Variants in TBC1D4 observed in about 807,000 individuals in gnomAD.
TBC1D4 encodes the protein TBC1 domain family member 4.
In TBC1D4, 121 loss-of-function variants were observed where a neutral mutation model predicts 142.5. The ratio of observed to expected loss-of-function variants is 0.85; its 90% confidence interval spans 0.73 to 0.99. The LOEUF is 0.99. Ranked by LOEUF, TBC1D4 falls within the 50% of genes least tolerant of loss-of-function variation. TBC1D4 has a pLI of 0.00. For missense variants in TBC1D4, 1,475 were observed against 1,606.6 expected, an observed-to-expected ratio of 0.92 and a Z score of 1.40; for synonymous variants, 630 against 628.2, an observed-to-expected ratio of 1.00 and a Z score of -0.04.
chr13:75,323,352 CA>C (rs911823239), intron 11 of TBC1D4, among the ~76,000 whole-genome samples: 3 of 152,014 alleles, frequency 2.0e-5, no homozygotes, highest in African/African-American at 7.2e-5. Context: ...AAGCTATACA[CA>C]AAAACAGGAA....
Position 75,309,956 on chromosome 13 carries a change from T to C in TBC1D4, c.2579A>G (p.Asn860Ser). ...QILLLRMEKE[N>S]QKLEASRDEL... ...AAATGGCTAACCTTCAAGTTTCTGG[T>C]TTTCTTTTTCCATTCGAAGTAACAA... is the stretch of plus-strand genomic sequence containing the variant. Residue 860 changes from asparagine to serine, a missense_variant, in exon 14 of 21, where the codon AAC (asparagine) becomes AGC (serine). By Grantham distance (46) the Asn-to-Ser change is conservative. Coordinates refer to ENST00000377636, the MANE Select transcript of TBC1D4 (RefSeq NM_014832.5). 1 of 1,614,104 alleles carries C rather than the reference T, an allele frequency of 6.2e-7. No individual in the cohort carries two copies. Among genetic ancestry groups the C allele is most frequent in the East Asian group, 2.2e-5 (1 of 44,880 alleles).
intron 12 of TBC1D4, among the ~76,000 whole-genome samples, chr13:75,318,261 G>A (rs2137970272): frequency 7.2e-6 from 1 of 138,852 alleles, no homozygotes; most frequent in South Asian, 2.3e-4. Context: ...TTGCAAAGGT[G>A]GTGTTATACT....
At chr13:75,365,332 G>GTTT (rs72296888) in intron 1 of TBC1D4, among the ~76,000 whole-genome samples, 1 of 137,720 alleles carries the variant, frequency 7.3e-6, no homozygotes, top group Non-Finnish European at 1.6e-5. Context: ...CAACAGCTCT[G>GTTT]TTTTTTTTTT....
chr13:75,360,539 ATT>A (rs71127536), intron 2 of TBC1D4, among the ~76,000 whole-genome samples: 20 of 82,740 alleles, frequency 2.4e-4, no homozygotes, highest in African/African-American at 6.1e-4. Flanking sequence ...CTGTCTCTTA[ATT>A]TTTTTTTTTT....
Position 75,394,905 on chromosome 13 carries a change from C to G in TBC1D4, c.499-32298G>C, listed in dbSNP as rs952073363. ...ACATTTATTGAGCAACTGCAATGTG[C>G]AAAACCTTGCTACAATTTGACAGAG... is the stretch of plus-strand genomic sequence containing the variant. On this transcript the variant is annotated intron_variant, in intron 1 of 20. Transcript: ENST00000377636. Among the ~76,000 whole-genome samples, 5 of 152,188 alleles carry G rather than the reference C, an allele frequency of 3.3e-5. No individual in the cohort carries two copies. The South Asian group carries it at 8.3e-4, about 25-fold the overall frequency.
intron 1 of TBC1D4, among the ~76,000 whole-genome samples, chr13:75,436,595 T>TG (rs1340906168): frequency 2.0e-5 from 3 of 151,170 alleles, no homozygotes; most frequent in African/African-American, 7.3e-5. Context: ...AGGCTGAGGC[T>TG]GCAAAGAGCC....
chr13:75,474,421 T>C (rs901961551), intron 1 of TBC1D4, among the ~76,000 whole-genome samples: 2 of 151,964 alleles, frequency 1.3e-5, no homozygotes, highest in Non-Finnish European at 2.9e-5. Flanking sequence ...TAGCCAGGCG[T>C]GGTGGCGGGT....
At chr13:75,360,149 A>C (rs949412739) in intron 2 of TBC1D4, among the ~76,000 whole-genome samples, 2 of 152,218 alleles carry the variant, frequency 1.3e-5, no homozygotes, top group African/African-American at 4.8e-5. Context: ...AAAAATATGC[A>C]AACTTTCCTC....
intron 4 of TBC1D4, among the ~76,000 whole-genome samples, chr13:75,351,352 A>C (rs1344189822): frequency 6.6e-6 from 1 of 152,134 alleles, no homozygotes; most frequent in Non-Finnish European, 1.5e-5. Flanking sequence ...TTATCCAATA[A>C]AGAATGGCAT....
chr13:75,414,349 G>T (rs1489654937), intron 1 of TBC1D4, among the ~76,000 whole-genome samples: 1 of 152,196 alleles, frequency 6.6e-6, no homozygotes, highest in African/African-American at 2.4e-5. Context: ...TCAACAAAGT[G>T]AACTGAAAGG....
chr13:75,384,016 C>T (rs1324918178), intron 1 of TBC1D4, among the ~76,000 whole-genome samples: 1 of 152,156 alleles, frequency 6.6e-6, no homozygotes, highest in Non-Finnish European at 1.5e-5. Flanking sequence ...GGAGATATAC[C>T]TAATGTTAAA....
rs868715912 is a variant in TBC1D4, at chr13:75,468,825, G to A, written c.498+12445C>T. On this transcript the variant is annotated intron_variant, in intron 1 of 20. Transcript: ENST00000377636. ...TTCTTACTCAACCTAATTTCAATTC[G>A]TTGGAATGAACCCATACTACAGAAC... is the stretch of plus-strand genomic sequence containing the variant. Among the ~76,000 whole-genome samples, 25 of 152,292 alleles carry A rather than the reference G, an allele frequency of 1.6e-4. 1 individual carries two copies. Among genetic ancestry groups the A allele is most frequent in the South Asian group, 4.1e-4 (2 of 4,824 alleles).
intron 1 of TBC1D4, among the ~76,000 whole-genome samples, chr13:75,434,165 T>C (rs1175450800): frequency 6.6e-6 from 1 of 152,150 alleles, no homozygotes; most frequent in Non-Finnish European, 1.5e-5. Flanking sequence ...ACTGGGTATA[T>C]ATCCAGAGGA....
chr13:75,439,108 C>A (rs548574653), intron 1 of TBC1D4, among the ~76,000 whole-genome samples: 164 of 152,224 alleles, frequency 1.1e-3, no homozygotes, highest in African/African-American at 3.9e-3. Context: ...TTGCCATAGA[C>A]AAAATCTCCC....
At chr13:75,351,419 A>T (rs1303706218) in intron 4 of TBC1D4, among the ~76,000 whole-genome samples, 7 of 151,122 alleles carry the variant, frequency 4.6e-5, no homozygotes, top group African/African-American at 1.7e-4. Flanking sequence ...CTTTTTTTTT[A>T]ATTTTATTAT....
At chr13:75,455,978 T>TATA (rs1887718890) in intron 1 of TBC1D4, among the ~76,000 whole-genome samples, 1 of 152,106 alleles carries the variant, frequency 6.6e-6, no homozygotes, top group Non-Finnish European at 1.5e-5. Flanking sequence ...TATATAAATA[T>TATA]TAATCTGCTA....
chr13:75,359,956 A>T, intron 2 of TBC1D4, 98 bp from the exon 3 acceptor site: 1 of 935,834 alleles, frequency 1.1e-6, no homozygotes, highest in South Asian at 1.4e-5. Flanking sequence ...TTCAAATGCA[A>T]TATCCCAGAT....
rs775233219 is a variant in TBC1D4, at chr13:75,287,043, A to C, written c.3664-18T>G. 1.3e-6 allele frequency: 2 copies of C among 1,596,320 alleles called. No individual in the cohort carries two copies. The highest frequency in any genetic ancestry group is 1.7e-5 in the Admixed American group (1 of 59,872). Reference sequence around the variant, plus strand: ...TGAGCTACCTGTTTGGGGGGGAAAAAATCCTCCAAATCAAATGATTCATTA... The same window carrying C: ...TGAGCTACCTGTTTGGGGGGGAAAACATCCTCCAAATCAAATGATTCATTA... On this transcript the variant is annotated intron_variant, in intron 20 of 20. Coordinates refer to ENST00000377636, the MANE Select transcript of TBC1D4 (RefSeq NM_014832.5).
At chr13:75,397,436 A>G (rs1884852782) in intron 1 of TBC1D4, among the ~76,000 whole-genome samples, 2 of 152,238 alleles carry the variant, frequency 1.3e-5, no homozygotes, top group Admixed American at 6.5e-5. Flanking sequence ...TAGAACTAAT[A>G]CAGAATGTAA....
Sources: gnomAD v4.1 joint callset for allele counts (sites outside exome capture counted in the v4.1 genomes callset) on GRCh38, gnomAD v4.1.1 for gene constraint, MANE v1.5 for transcripts, NCBI Gene and HGNC (gene_info 2026-07-23, HGNC 2026-07-21) for gene names.